SEPTIN9: variants seen among roughly 807,000 people sequenced by gnomAD.
SEPTIN9 encodes the protein septin-9.
SEPTIN9 carries 13 observed loss-of-function variants against 56.6 expected under a neutral mutation model. The observed-to-expected ratio is 0.23, with a 90% confidence interval of 0.15 to 0.37. The LOEUF (loss-of-function observed/expected upper bound fraction) is 0.37. Among genes scored for constraint, SEPTIN9 ranks in the 10% least tolerant of loss-of-function variants. The pLI is 1.00. For synonymous variants in SEPTIN9, 332 were observed against 334.1 expected (o/e 0.99, Z 0.07); for missense variants, 650 against 823.1 (o/e 0.79, Z 2.57).
chr17:77,291,210 A>G (rs1384554737), intron 1 of SEPTIN9, among the ~76,000 whole-genome samples: 3 of 150,622 alleles, frequency 2.0e-5, no homozygotes, highest in Non-Finnish European at 3.0e-5. Context: ...TAATTTTTGT[A>G]TTTTTAGTAG....
chr17:77,460,878 C>A (rs931855211), intron 3 of SEPTIN9, among the ~76,000 whole-genome samples: 8 of 152,202 alleles, frequency 5.3e-5, no homozygotes, highest in African/African-American at 1.9e-4. Context: ...ACCCTTCCGG[C>A]TTCTGACTGG....
rs11867786 is a variant in SEPTIN9, at chr17:77,326,394, C to G, written c.76+19197C>G. On this transcript the variant is annotated intron_variant, in intron 2 of 11. Coordinates refer to ENST00000427177, the MANE Select transcript of SEPTIN9 (RefSeq NM_001113491.2). The surrounding 1 kb of genome is among the most constrained non-coding windows in gnomAD (Gnocchi z 5.1). ...GGGACCAGTGGCAGGACAGAACCTG[C>G]GGTTCGTAGGACCAGGTCAGGAGGG... Among the ~76,000 whole-genome samples, 93,644 of 152,022 alleles carry G rather than the reference C, an allele frequency of 0.62. 29,468 individuals are homozygous for G. Among genetic ancestry groups the G allele is most frequent in the Middle Eastern group, 0.74 (218 of 294 alleles).
At chr17:77,315,437 G>A (rs964984793) in intron 2 of SEPTIN9, among the ~76,000 whole-genome samples, 3 of 152,126 alleles carry the variant, frequency 2.0e-5, no homozygotes, top group Admixed American at 6.5e-5. Context: ...ACAGGCATGC[G>A]CCACCATGCC....
intron 2 of SEPTIN9, among the ~76,000 whole-genome samples, chr17:77,360,065 G>A (rs2034364832): frequency 1.3e-5 from 2 of 150,952 alleles, no homozygotes; most frequent in South Asian, 4.2e-4. Flanking sequence ...GCTGAGGCAG[G>A]AGAATTGCTT....
Position 77,440,283 on chromosome 17 carries a change from T to C in SEPTIN9, c.721+37580T>C, listed in dbSNP as rs1211276174. ...GAGTCTCCTGCCTCAGCCTCCTAAG[T>C]AGCTGGGATTATAGGCGCCCACCAC... On this transcript the variant is annotated intron_variant, in intron 3 of 11. Transcript: ENST00000427177. 2.0e-5 allele frequency among the ~76,000 whole-genome samples: 3 copies of C among 152,114 alleles called. No homozygotes were observed. The East Asian group carries it at 5.8e-4, about 29-fold the overall frequency.
At position 77,425,991 on chromosome 17, in the gene SEPTIN9, G is replaced by T. The variant is rs1178615091; in HGVS notation, c.721+23288G>T. 6.6e-6 allele frequency among the ~76,000 whole-genome samples: 1 copy of T among 152,174 alleles called. No homozygotes were observed. The highest frequency in any genetic ancestry group is 1.5e-5 in the Non-Finnish European group (1 of 68,036). ...GTTCAGGCCATGCCCTCAGACTGGA[G>T]GATAGGATCGGAACAGTGGGTCAGG... On this transcript the variant is annotated intron_variant, in intron 3 of 11. Coordinates refer to ENST00000427177, the MANE Select transcript of SEPTIN9 (RefSeq NM_001113491.2). This position sits in a 1 kb window ranked among gnomAD's most constrained non-coding sequence, Gnocchi z 4.2.
At chr17:77,446,835 A>G (rs551964071) in intron 3 of SEPTIN9, 3 of 167,272 alleles carry the variant, frequency 1.8e-5, no homozygotes, top group African/African-American at 7.2e-5. Flanking sequence ...ATTTTAAGAT[A>G]TAAAGCAAGA....
At chr17:77,302,221 G>A (rs982600341) in intron 1 of SEPTIN9, among the ~76,000 whole-genome samples, 1 of 150,852 alleles carries the variant, frequency 6.6e-6, no homozygotes, top group Non-Finnish European at 1.5e-5. Flanking sequence ...TAATCCCAGC[G>A]TGAGGCCAAG....
intron 3 of SEPTIN9, among the ~76,000 whole-genome samples, chr17:77,438,371 A>T (rs528704873): frequency 6.6e-6 from 1 of 152,250 alleles, no homozygotes; most frequent in South Asian, 2.1e-4. Context: ...TCCCTCCAGG[A>T]CCTATGTCTT....
chr17:77,478,217 A>G (rs2039304029), intron 3 of SEPTIN9, among the ~76,000 whole-genome samples: 1 of 152,194 alleles, frequency 6.6e-6, no homozygotes, highest in Admixed American at 6.5e-5. Context: ...GTTGCCATTT[A>G]TGAAATGTGG....
At chr17:77,485,250 GGTGGTGATTGTGA>G (rs2039719602) in intron 4 of SEPTIN9, among the ~76,000 whole-genome samples, 2 of 147,124 alleles carry the variant, frequency 1.4e-5, no homozygotes, top group Admixed American at 6.7e-5. Flanking sequence ...TGATTGTGAT[GGTGGTGATTGTGA>G]TGGTGATGTG....
chr17:77,297,491 C>T (rs999893013), intron 1 of SEPTIN9, among the ~76,000 whole-genome samples: 2 of 152,152 alleles, frequency 1.3e-5, no homozygotes, highest in African/African-American at 4.8e-5. Context: ...ACCAGCCATC[C>T]CTTAATCCAG....
At chr17:77,443,239 C>T (rs1426714319) in intron 3 of SEPTIN9, among the ~76,000 whole-genome samples, 1 of 152,024 alleles carries the variant, frequency 6.6e-6, no homozygotes, top group Non-Finnish European at 1.5e-5. Flanking sequence ...CATGAGTTTG[C>T]AGCTCTGGGA....
At chr17:77,407,282 CAAAAAAA>C (rs58585658) in intron 3 of SEPTIN9, among the ~76,000 whole-genome samples, 6 of 44,604 alleles carry the variant, frequency 1.3e-4, no homozygotes, top group South Asian at 8.4e-4. Context: ...GACCCTGTCT[CAAAAAAA>C]AAAAAAAAAA....
At position 77,281,729 on chromosome 17, in the gene SEPTIN9, C is replaced by G. The variant is rs2031032831; in HGVS notation, c.19+175C>G. 3 of 579,082 alleles carry G rather than the reference C, an allele frequency of 5.2e-6. No homozygotes were observed. The East Asian group carries it at 1.0e-4, about 20-fold the overall frequency. The allele number at this position is 579,082 out of a possible 1,614,324, so 35.9% of individuals were successfully genotyped here. A position where few individuals can be genotyped will look rare whatever the true frequency, so the allele number is the denominator to read the frequency against. On this transcript the variant is annotated intron_variant, in intron 1 of 11. Coordinates refer to ENST00000427177, the MANE Select transcript of SEPTIN9 (RefSeq NM_001113491.2). ...GGGCCGCTGTCGGGCCGCTTTCGAC[C>G]TGAGCCGACCGTCCCCTGCGCTGTC...
In SEPTIN9 at chr17:77,445,296, T is replaced by C. The variant is rs368641821; in HGVS notation, c.722-36848T>C. On this transcript the variant is annotated intron_variant, in intron 3 of 11. Transcript: ENST00000427177. This position sits in a 1 kb window ranked among gnomAD's most constrained non-coding sequence, Gnocchi z 4.7. Reference sequence around the variant, plus strand: ...CCCAGCCCTTTCCTCCGCACCCCCATGCAGAAGCGCGGCCGCCAGCTCACA... The same window carrying C: ...CCCAGCCCTTTCCTCCGCACCCCCACGCAGAAGCGCGGCCGCCAGCTCACA... 3.0e-5 allele frequency: 14 copies of C among 466,716 alleles called. No individual in the cohort carries two copies. The highest frequency in any genetic ancestry group is 1.4e-4 in the African/African-American group (7 of 50,064). The allele number at this position is 466,716 out of a possible 1,614,324, so 28.9% of individuals were successfully genotyped here. A position where few individuals can be genotyped will look rare whatever the true frequency, so the allele number is the denominator to read the frequency against.
intron 1 of SEPTIN9, among the ~76,000 whole-genome samples, chr17:77,303,664 G>A (rs1041420724): frequency 5.9e-5 from 9 of 151,706 alleles, no homozygotes; most frequent in African/African-American, 2.2e-4. Flanking sequence ...CTGGGTGACA[G>A]AGCAAGACTC....
intron 1 of SEPTIN9, among the ~76,000 whole-genome samples, chr17:77,305,212 C>A (rs76530963): frequency 1.3e-3 from 194 of 152,174 alleles, no homozygotes; most frequent in African/African-American, 4.5e-3. Context: ...GAGGAGGATG[C>A]TGGGTGAGGT....
chr17:77,438,084 G>A (rs539751850), intron 3 of SEPTIN9, among the ~76,000 whole-genome samples: 1 of 152,216 alleles, frequency 6.6e-6, no homozygotes, highest in African/African-American at 2.4e-5. Context: ...TGGCCCTGCA[G>A]GGGGGTGCTC....
Sources: allele counts gnomAD v4.1 joint callset (sites outside exome capture counted in the v4.1 genomes callset), GRCh38; gene constraint gnomAD v4.1.1; non-coding constraint Gnocchi (gnomAD v3.1); transcripts MANE v1.5; gene names NCBI Gene and HGNC (gene_info 2026-07-23, HGNC 2026-07-21).